DLGAP1: variants seen among roughly 807,000 people sequenced by gnomAD.
DLGAP1 encodes DLG associated protein 1.
Under a neutral mutation model 90.8 loss-of-function variants are expected in DLGAP1, and 11 were observed. The observed-to-expected ratio is 0.12, with a 90% confidence interval of 0.08 to 0.20. The LOEUF is 0.20. Among genes scored for constraint, DLGAP1 ranks in the 10% least tolerant of loss-of-function variants. The pLI, the probability that DLGAP1 is intolerant of heterozygous loss-of-function variation, is 1.00. For synonymous variants in DLGAP1, 558 were observed against 540.7 expected (o/e 1.03, Z -0.44); for missense variants, 1,050 against 1,333.8 (o/e 0.79, Z 3.31).
At chr18:4,078,182 T>C (rs892250302) in intron 2 of DLGAP1, among the ~76,000 whole-genome samples, 4 of 152,184 alleles carry the variant, frequency 2.6e-5, no homozygotes, top group African/African-American at 9.7e-5. Flanking sequence ...TTTACTATCT[T>C]CATACATATC....
At chr18:3,692,324 C>G (rs897562531) in intron 7 of DLGAP1, among the ~76,000 whole-genome samples, 3 of 152,090 alleles carry the variant, frequency 2.0e-5, no homozygotes, top group Non-Finnish European at 2.9e-5. Context: ...CCTCTACAAA[C>G]CATTAATAGC....
intron 7 of DLGAP1, among the ~76,000 whole-genome samples, chr18:3,657,769 A>AT (rs1378218336): frequency 2.6e-5 from 4 of 151,158 alleles, no homozygotes; most frequent in Non-Finnish European, 5.9e-5. Flanking sequence ...CACCCGGCTA[A>AT]TTTTTTTTGT....
intron 3 of DLGAP1, among the ~76,000 whole-genome samples, chr18:3,930,278 TA>T (rs1174013021): frequency 1.3e-5 from 2 of 152,224 alleles, no homozygotes; most frequent in Non-Finnish European, 2.9e-5. Flanking sequence ...CAACCCTAAG[TA>T]CAAGTTGCTG....
intron 1 of DLGAP1, among the ~76,000 whole-genome samples, chr18:4,265,419 T>A (rs1211088912): frequency 6.6e-6 from 1 of 151,690 alleles, no homozygotes; most frequent in African/African-American, 2.4e-5. Context: ...TCCTCCTGCC[T>A]CGGCCCCCCA....
chr18:3,600,989 T>TATAG (rs1425997880), intron 7 of DLGAP1, among the ~76,000 whole-genome samples: 1 of 50,692 alleles, frequency 2.0e-5, no homozygotes, highest in Admixed American at 1.9e-4. Flanking sequence ...TAGATATAGA[T>TATAG]ATATAGATAT....
chr18:3,914,423 C>T (rs1170777351), intron 3 of DLGAP1, among the ~76,000 whole-genome samples: 2 of 152,162 alleles, frequency 1.3e-5, no homozygotes, highest in East Asian at 1.9e-4. Context: ...ATTTTTAATA[C>T]ATAAACCACA....
rs1251705867 is a variant in DLGAP1, at chr18:4,342,447, C to A, written c.-267+112559G>T. Among the ~76,000 whole-genome samples the A allele has an allele frequency of 1.3e-5, 2 of 152,072 alleles. No individual in the cohort carries two copies. Among genetic ancestry groups the A allele is most frequent in the Non-Finnish European group, 2.9e-5 (2 of 68,028 alleles). ...CTACTAAGACTAAATGGTTTTAAAA[C>A]TCTGCTTTCTTTTAAATAAGAGCCA... On this transcript the variant is annotated intron_variant, in intron 1 of 12. Transcript: ENST00000315677. This position sits in a 1 kb window ranked among gnomAD's most constrained non-coding sequence, Gnocchi z 5.8.
At position 3,660,930 on chromosome 18, in the gene DLGAP1, T is replaced by C. The variant is rs1409065603; in HGVS notation, c.1591+68205A>G. ...TATGACAGCAATGTTCACAGGAAAC[T>C]GTATGATAAGGCACAATAGAGAAAG... On this transcript the variant is annotated intron_variant, in intron 7 of 12. Coordinates refer to ENST00000315677, the MANE Select transcript of DLGAP1 (RefSeq NM_004746.4). This position sits in a 1 kb window ranked among gnomAD's most constrained non-coding sequence, Gnocchi z 4.2. Among the ~76,000 whole-genome samples, 1 of 152,204 alleles carries C rather than the reference T, an allele frequency of 6.6e-6. No homozygotes were observed. The highest frequency in any genetic ancestry group is 2.4e-5 in the African/African-American group (1 of 41,446).
At chr18:4,116,756 C>T (rs1021931175) in intron 2 of DLGAP1, among the ~76,000 whole-genome samples, 5 of 152,144 alleles carry the variant, frequency 3.3e-5, no homozygotes, top group Non-Finnish European at 5.9e-5. Flanking sequence ...TGTTATCATA[C>T]ATTTTCTTTA....
intron 2 of DLGAP1, among the ~76,000 whole-genome samples, chr18:4,110,016 A>C (rs538693173): frequency 8.6e-6 from 1 of 116,872 alleles, no homozygotes; most frequent in African/African-American, 4.1e-5. Context: ...CTCGTCTCCA[A>C]AAAAAAAGGA....
At chr18:4,234,895 TA>T (rs1261710117) in intron 1 of DLGAP1, among the ~76,000 whole-genome samples, 2 of 152,146 alleles carry the variant, frequency 1.3e-5, no homozygotes, top group South Asian at 2.1e-4. Flanking sequence ...AGGCATGTCA[TA>T]AAAAAAGGAT....
At chr18:4,453,220 TTTC>T (rs2083878094) in intron 1 of DLGAP1, among the ~76,000 whole-genome samples, 1 of 152,208 alleles carries the variant, frequency 6.6e-6, no homozygotes, top group Non-Finnish European at 1.5e-5. Context: ...TTCTATGAAC[TTTC>T]TTGTTTCATG....
chr18:4,009,581 C>G (rs1367464721), intron 2 of DLGAP1, among the ~76,000 whole-genome samples: 1 of 152,212 alleles, frequency 6.6e-6, no homozygotes, highest in African/African-American at 2.4e-5. Context: ...CTGGAGGACA[C>G]AGATCTGTCA....
intron 7 of DLGAP1, among the ~76,000 whole-genome samples, chr18:3,712,975 A>AG (rs775083691): frequency 2.6e-5 from 4 of 152,230 alleles, no homozygotes; most frequent in African/African-American, 4.8e-5. Flanking sequence ...AGGATGGGGC[A>AG]GGACACAGTG....
chr18:3,672,648 A>C (rs2146767289), intron 7 of DLGAP1, among the ~76,000 whole-genome samples: 1 of 149,866 alleles, frequency 6.7e-6, no homozygotes, highest in South Asian at 2.1e-4. Flanking sequence ...GGAGTGTTTA[A>C]GACTTTTAGA....
At chr18:3,876,145 C>T (rs558086089) in intron 4 of DLGAP1, among the ~76,000 whole-genome samples, 62 of 152,194 alleles carry the variant, frequency 4.1e-4, no homozygotes, top group African/African-American at 1.4e-3. Context: ...CACGGGCTAA[C>T]CCTATCTTCC....
Position 4,384,578 on chromosome 18 carries a change from T to A in DLGAP1, c.-267+70428A>T, listed in dbSNP as rs114053052. Among the ~76,000 whole-genome samples the A allele has an allele frequency of 4.9e-3, 748 of 152,270 alleles. 8 individuals are homozygous for A. Among genetic ancestry groups the A allele is most frequent in the African/African-American group, 0.017 (702 of 41,566 alleles). On this transcript the variant is annotated intron_variant, in intron 1 of 12. Coordinates refer to ENST00000315677, the MANE Select transcript of DLGAP1 (RefSeq NM_004746.4). ...AGTTTTCCTTTGTTATTTTTTAACA[T>A]CAGGGCTAACTCTAGATCAAATACT...
chr18:4,053,165 C>G (rs1022337433), intron 2 of DLGAP1, among the ~76,000 whole-genome samples: 1 of 152,204 alleles, frequency 6.6e-6, no homozygotes, highest in South Asian at 2.1e-4. Flanking sequence ...TGTTCTCACA[C>G]TGCTAATAAA....
At chr18:4,346,237 TA>T (rs968509505) in intron 1 of DLGAP1, among the ~76,000 whole-genome samples, 4 of 151,906 alleles carry the variant, frequency 2.6e-5, no homozygotes, top group South Asian at 2.1e-4. Context: ...TTAAAATAAG[TA>T]AAAAAAAGGA....
Sources: gnomAD v4.1 joint callset for allele counts (sites outside exome capture counted in the v4.1 genomes callset) on GRCh38, gnomAD v4.1.1 for gene constraint, Gnocchi (gnomAD v3.1) non-coding constraint, MANE v1.5 for transcripts, NCBI Gene and HGNC (gene_info 2026-07-23, HGNC 2026-07-21) for gene names.